Variants in SLCO1A2 observed in about 807,000 individuals in gnomAD.
SLCO1A2 encodes solute carrier organic anion transporter family member 1A2.
SLCO1A2 carries 67 observed loss-of-function variants against 69.0 expected under a neutral mutation model. That is an observed-to-expected ratio of 0.97 (90% CI 0.80 to 1.19). The LOEUF is 1.19. Ranked by LOEUF, SLCO1A2 falls within the 50% of genes most tolerant of loss-of-function variation. The pLI is 0.00. For synonymous variants in SLCO1A2, 260 were observed against 265.9 expected (o/e 0.98, Z 0.22); for missense variants, 787 against 793.7 (o/e 0.99, Z 0.10).
chr12:21,322,728 G>A (rs1056025004), intron 2 of SLCO1A2, among the ~76,000 whole-genome samples: 2 of 152,152 alleles, frequency 1.3e-5, no homozygotes, highest in Non-Finnish European at 2.9e-5. Context: ...CAAAAGGGAA[G>A]AGGGTACAAT....
intron 2 of SLCO1A2, among the ~76,000 whole-genome samples, chr12:21,372,150 T>C (rs1029051062): frequency 2.0e-5 from 3 of 152,190 alleles, no homozygotes; most frequent in African/African-American, 7.2e-5. Context: ...CTCATGGAGC[T>C]AATGGGAAAC....
At chr12:21,365,334 G>A (rs1453777681) in intron 2 of SLCO1A2, among the ~76,000 whole-genome samples, 3 of 152,168 alleles carry the variant, frequency 2.0e-5, no homozygotes, top group Admixed American at 1.3e-4. Context: ...TGGGAAAACT[G>A]GCTAGCCATA....
intron 4 of SLCO1A2, among the ~76,000 whole-genome samples, chr12:21,310,285 AAAGTT>A (rs1258193237): frequency 6.6e-6 from 1 of 152,252 alleles, no homozygotes. Context: ...AATGCATATA[AAAGTT>A]ATGTTTGCAC....
intron 12 of SLCO1A2, among the ~76,000 whole-genome samples, chr12:21,281,919 A>AAAAAAAAAACAG (rs770316815): frequency 7.2e-5 from 11 of 152,310 alleles, no homozygotes; most frequent in Non-Finnish European, 1.3e-4. Flanking sequence ...AATAAAAAGT[A>AAAAAAAAAACAG]ATGAGATTGA....
intron 2 of SLCO1A2, among the ~76,000 whole-genome samples, chr12:21,358,748 T>G (rs1938575566): frequency 7.4e-6 from 1 of 134,812 alleles, no homozygotes; most frequent in African/African-American, 2.9e-5. Flanking sequence ...AGCGGTTTGT[T>G]GGAGATACTT....
chr12:21,333,289 T>C (rs1466333950), intron 2 of SLCO1A2, among the ~76,000 whole-genome samples: 4 of 152,144 alleles, frequency 2.6e-5, no homozygotes, highest in Non-Finnish European at 1.5e-5. Context: ...AGTTTGGTTT[T>C]ATTCGCAGAG....
At chr12:21,311,968 G>A (rs112297403) in intron 4 of SLCO1A2, among the ~76,000 whole-genome samples, 3,035 of 151,452 alleles carry the variant, frequency 0.02, 86 homozygotes, top group African/African-American at 0.067. Flanking sequence ...AGAAGGAGAA[G>A]AAGAAGGAGG....
At chr12:21,371,827 T>G (rs966147706) in intron 2 of SLCO1A2, among the ~76,000 whole-genome samples, 3 of 151,562 alleles carry the variant, frequency 2.0e-5, no homozygotes, top group African/African-American at 7.3e-5. Context: ...ACATAGAGAA[T>G]CCCCGTCTCC....
chr12:21,340,599 T>C (rs1055343848), intron 2 of SLCO1A2, among the ~76,000 whole-genome samples: 1 of 152,000 alleles, frequency 6.6e-6, no homozygotes, highest in Non-Finnish European at 1.5e-5. Context: ...ACTGACGTAA[T>C]CCAGTGACCA....
intron 1 of SLCO1A2, among the ~76,000 whole-genome samples, chr12:21,408,759 C>A (rs985474928): frequency 5.3e-5 from 8 of 151,886 alleles, no homozygotes; most frequent in African/African-American, 1.7e-4. Context: ...TACGTGCTCC[C>A]GCACACACGC....
chr12:21,367,022 T>C (rs567199667), intron 2 of SLCO1A2, among the ~76,000 whole-genome samples: 3 of 151,490 alleles, frequency 2.0e-5, no homozygotes, highest in South Asian at 2.1e-4. Context: ...GCTCAGTCAA[T>C]AGAAAAAGAT....
intron 1 of SLCO1A2, among the ~76,000 whole-genome samples, chr12:21,417,265 T>C (rs561084690): frequency 2.2e-4 from 33 of 151,982 alleles, no homozygotes; most frequent in African/African-American, 8.0e-4. Flanking sequence ...CTAAGAATAA[T>C]ATTTACATAG....
intron 2 of SLCO1A2, among the ~76,000 whole-genome samples, chr12:21,323,318 A>T (rs977734809): frequency 1.3e-5 from 2 of 152,182 alleles, no homozygotes; most frequent in Non-Finnish European, 2.9e-5. Context: ...GGATTTTGGA[A>T]GGCCAAGGTG....
At chr12:21,369,260 T>C (rs941519496) in intron 2 of SLCO1A2, among the ~76,000 whole-genome samples, 3 of 152,230 alleles carry the variant, frequency 2.0e-5, no homozygotes, top group African/African-American at 7.2e-5. Context: ...CCTTTATTCA[T>C]GTCATTGTCA....
At chr12:21,355,331 C>T (rs1938280098) in intron 2 of SLCO1A2, among the ~76,000 whole-genome samples, 1 of 152,058 alleles carries the variant, frequency 6.6e-6, no homozygotes, top group Admixed American at 6.6e-5. Flanking sequence ...TAAAAGACAA[C>T]TAGAACTTAG....
intron 1 of SLCO1A2, among the ~76,000 whole-genome samples, chr12:21,411,294 T>A (rs1347810715): frequency 6.6e-6 from 1 of 152,200 alleles, no homozygotes; most frequent in Non-Finnish European, 1.5e-5. Flanking sequence ...CTGGAGTTTA[T>A]TTTTTGTATA....
intron 1 of SLCO1A2, among the ~76,000 whole-genome samples, chr12:21,411,576 G>C (rs1941907713): frequency 6.6e-6 from 1 of 152,100 alleles, no homozygotes; most frequent in Admixed American, 6.5e-5. Flanking sequence ...GAAGTGTTCT[G>C]TTTGTGACCT....
At position 21,334,685 on chromosome 12, in the gene SLCO1A2, A is replaced by C. The variant is rs200004507; in HGVS notation, c.-38T>G. On this transcript the variant is annotated 5_prime_UTR_variant, in exon 2 of 15. In the 5' UTR this introduces an upstream ATG that the reference lacks. Transcript: ENST00000683939. The stretch of plus-strand genomic sequence containing the variant: ...GGTGTTCCAAGCTATTTATGTTTTA[A>C]ATCTTGATATGTCTTACTTCTACCC... 29 of 1,551,272 alleles carry C rather than the reference A, an allele frequency of 1.9e-5. No homozygotes were observed. Among genetic ancestry groups the C allele is most frequent in the African/African-American group, 2.7e-5 (2 of 72,936 alleles).
upstream of SLCO1A2, among the ~76,000 whole-genome samples, chr12:21,335,098 A>G (rs1202231741): frequency 1.3e-5 from 2 of 152,006 alleles, no homozygotes; most frequent in Non-Finnish European, 2.9e-5. Flanking sequence ...TGTACTAAAA[A>G]CCTGCTTCAC....
Sources: gnomAD v4.1 joint callset for allele counts (sites outside exome capture counted in the v4.1 genomes callset) on GRCh38, gnomAD v4.1.1 for gene constraint, MANE v1.5 for transcripts, NCBI Gene and HGNC (gene_info 2026-07-23, HGNC 2026-07-21) for gene names.